CD36: variants seen among roughly 807,000 people sequenced by gnomAD.
CD36 encodes the protein platelet glycoprotein 4.
In CD36, 119 loss-of-function variants were observed where a neutral mutation model predicts 55.2. The ratio of observed to expected loss-of-function variants is 2.15; its 90% CI spans 1.86 to 2.51. The LOEUF (loss-of-function observed/expected upper bound fraction) is 2.51, where lower values mean the gene tolerates loss of function less well. CD36 is among the 30% of genes most tolerant of loss of function. The pLI is 0.00. For missense variants in CD36, 819 were observed against 555.5 expected (o/e 1.47, Z -4.77); for synonymous variants, 186 against 193.6 (o/e 0.96, Z 0.33).
intron 1 of CD36, among the ~76,000 whole-genome samples, chr7:80,623,391 T>C (rs150910922): frequency 6.6e-6 from 1 of 152,340 alleles, no homozygotes; most frequent in Non-Finnish European, 1.5e-5. Context: ...ATGTGATAAA[T>C]ATTAATTCAG....
chr7:80,667,747 G>GTTTTTTTTTTTTTTTTTTTTTTTTTTTT (rs1165767460), intron 8 of CD36, among the ~76,000 whole-genome samples: 8 of 82,636 alleles, frequency 9.7e-5, no homozygotes, highest in African/African-American at 3.3e-4. Flanking sequence ...GTTTTCTTTT[G>GTTTTTTTTTTTTTTTTTTTTTTTTTTTT]TTTTTTTTTT....
intron 1 of CD36, among the ~76,000 whole-genome samples, chr7:80,645,098 G>T (rs62461724): frequency 6.7e-6 from 1 of 149,244 alleles, no homozygotes; most frequent in Non-Finnish European, 1.5e-5. Context: ...TCGGCTCACC[G>T]CAACCTCCGC....
At chr7:80,654,662 T>A (rs183599184) in intron 3 of CD36, among the ~76,000 whole-genome samples, 6 of 152,228 alleles carry the variant, frequency 3.9e-5, no homozygotes, top group Admixed American at 2.0e-4. Flanking sequence ...TCAAGGACAA[T>A]TTGTTGTAAA....
chr7:80,604,586 A>G (rs755628826), intron 1 of CD36, among the ~76,000 whole-genome samples: 4 of 151,266 alleles, frequency 2.6e-5, no homozygotes, highest in Non-Finnish European at 4.4e-5. Flanking sequence ...CACAAACACT[A>G]TAGTACAAAG....
At chr7:80,655,134 T>C (rs888409480) in intron 3 of CD36, among the ~76,000 whole-genome samples, 3 of 152,190 alleles carry the variant, frequency 2.0e-5, no homozygotes, top group Non-Finnish European at 4.4e-5. Context: ...CCTGTGGTCA[T>C]TGTTCTCTTT....
intron 1 of CD36, among the ~76,000 whole-genome samples, chr7:80,625,411 T>C (rs1308524944): frequency 1.3e-5 from 2 of 152,150 alleles, no homozygotes; most frequent in Non-Finnish European, 2.9e-5. Context: ...CTGAGCCTGA[T>C]GTATTAAAAG....
rs147164558 is a variant in CD36 at position 80,604,506 on chromosome 7, A to G, written c.-184+2127A>G. On this transcript the variant is annotated intron_variant, in intron 1 of 13. Transcript: ENST00000309881. Reference sequence around the variant, plus strand: ...AACCACGTGGAGAAGTAACACTTTTAGATACGTGCTTGTTGGTACCCTGCT... The same window carrying G: ...AACCACGTGGAGAAGTAACACTTTTGGATACGTGCTTGTTGGTACCCTGCT... Among the ~76,000 whole-genome samples the G allele has an allele frequency of 2.4e-4, 37 of 151,542 alleles. No individual in the cohort carries two copies. The East Asian group carries it at 6.1e-3, about 25-fold the overall frequency.
intron 1 of CD36, among the ~76,000 whole-genome samples, chr7:80,626,971 C>T (rs554002766): frequency 6.6e-6 from 1 of 152,102 alleles, no homozygotes; most frequent in South Asian, 2.1e-4. Flanking sequence ...CCTATTGATT[C>T]CAACTTTTTG....
chr7:80,661,164 T>A lies in CD36; in HGVS notation c.383T>A (p.Val128Asp), dbSNP rs752649696. 1 of 1,614,014 alleles carries A rather than the reference T, an allele frequency of 6.2e-7. No homozygotes were observed. The change falls in exon 5 of 15, where the codon GTT becomes GAT. Residue 128 changes from valine (V) to aspartate (D), a missense_variant. Transcript: ENST00000447544. ...NGAIFEPSLSVGTEADNFTVL... is the reference protein window; with the variant it reads ...NGAIFEPSLSDGTEADNFTVL... ...GCCATCTTCGAACCTTCACTATCAG[T>A]TGGAACAGAGGCTGACAACTTCACA...
chr7:80,669,626 G>A (rs1797454198), intron 8 of CD36, among the ~76,000 whole-genome samples: 1 of 151,912 alleles, frequency 6.6e-6, no homozygotes, highest in Non-Finnish European at 1.5e-5. Flanking sequence ...CTCCCAAGTA[G>A]CTGGGATTAC....
intron 1 of CD36, among the ~76,000 whole-genome samples, chr7:80,610,238 TATC>T (rs1320658086): frequency 1.3e-5 from 2 of 152,202 alleles, no homozygotes; most frequent in East Asian, 1.9e-4. Flanking sequence ...TCATTGTAAT[TATC>T]ATCATCATTA....
chr7:80,627,042 A>G (rs1258052984), intron 1 of CD36, among the ~76,000 whole-genome samples: 1 of 152,040 alleles, frequency 6.6e-6, no homozygotes, highest in Non-Finnish European at 1.5e-5. Flanking sequence ...AGACTATTAC[A>G]AGGTTCTATT....
At chr7:80,668,891 A>C (rs899880618) in intron 8 of CD36, among the ~76,000 whole-genome samples, 13 of 152,226 alleles carry the variant, frequency 8.5e-5, no homozygotes, top group Admixed American at 7.9e-4. Flanking sequence ...TGAGAAGTAC[A>C]TGGAGGAGTT....
chr7:80,603,319 G>A (rs1361113755), intron 1 of CD36, among the ~76,000 whole-genome samples: 1 of 152,040 alleles, frequency 6.6e-6, no homozygotes, highest in Admixed American at 6.6e-5. Flanking sequence ...AGGCTTCTTT[G>A]CCTTTACAAA....
intron 1 of CD36, among the ~76,000 whole-genome samples, chr7:80,608,998 T>G (rs1180508901): frequency 6.9e-6 from 1 of 144,922 alleles, no homozygotes; most frequent in Non-Finnish European, 1.5e-5. Context: ...TGGCCTTCCC[T>G]CCAATCCATT....
intron 12 of CD36, 103 bp from the exon 13 acceptor site, chr7:80,673,239 TTACAGGAACAAAA>T (rs1292649994): frequency 8.3e-5 from 49 of 591,024 alleles, no homozygotes; most frequent in Non-Finnish European, 9.0e-6. Context: ...AAATGAGTCA[TTACAGGAACAAAA>T]TCAAATTAGC....
chr7:80,619,756 G>T (rs1418948155), intron 1 of CD36, among the ~76,000 whole-genome samples: 1 of 151,698 alleles, frequency 6.6e-6, no homozygotes, highest in Non-Finnish European at 1.5e-5. Context: ...CACCATTCCA[G>T]ATGCCATTGA....
chr7:80,615,625 C>CA (rs1224330278), intron 1 of CD36, among the ~76,000 whole-genome samples: 5 of 152,182 alleles, frequency 3.3e-5, no homozygotes, highest in African/African-American at 1.2e-4. Flanking sequence ...ATGCCAGCGC[C>CA]ATGCTCAAAG....
intron 6 of CD36, among the ~76,000 whole-genome samples, chr7:80,664,024 A>G (rs1478927867): frequency 1.3e-5 from 2 of 152,116 alleles, no homozygotes; most frequent in Non-Finnish European, 2.9e-5. Context: ...ACCACTTATT[A>G]TCATTTTAGT....
Sources: allele counts gnomAD v4.1 joint callset (sites outside exome capture counted in the v4.1 genomes callset), GRCh38; gene constraint gnomAD v4.1.1; transcripts MANE v1.5; gene names NCBI Gene and HGNC (gene_info 2026-07-23, HGNC 2026-07-21).